The following NVL variants were observed in gnomAD, a reference collection of about 807,000 sequenced individuals.
NVL encodes nuclear VCP like.
NVL carries 84 observed loss-of-function variants against 110.2 expected under a neutral mutation model. That is an observed-to-expected ratio of 0.76 (90% CI 0.64 to 0.91). NVL has a LOEUF of 0.91. NVL is among the 40% of genes least tolerant of loss of function. The probability of loss-of-function intolerance (pLI) is 0.00; values close to 1 mark genes in which losing one functional copy is unlikely to be tolerated. For synonymous variants in NVL, 354 were observed against 361.1 expected (o/e 0.98, Z 0.22); for missense variants, 882 against 1,035.9 (o/e 0.85, Z 2.04).
At chr1:224,314,014 A>G (rs1167896781) in intron 4 of NVL, among the ~76,000 whole-genome samples, 1 of 152,202 alleles carries the variant, frequency 6.6e-6, no homozygotes, top group Non-Finnish European at 1.5e-5. Context: ...AAAAAAGAAA[A>G]AATATATATG....
At position 224,326,555 on chromosome 1, in the gene NVL, C is replaced by T. The variant is rs1671163424; in HGVS notation, c.58-91G>A. 6 of 761,238 alleles carry T rather than the reference C, an allele frequency of 7.9e-6. No individual in the cohort carries two copies. In the South Asian group the frequency reaches 8.9e-5, roughly 11 times the overall value. 47.2% of individuals were successfully genotyped at this position (761,238 alleles called of 1,614,324 possible). A position where few individuals can be genotyped will look rare whatever the true frequency, so the allele number is the denominator to read the frequency against. ...GATTGAGCTATCTGAACACATTATA[C>T]TTTAAGATAAACTCTTCGTTAATAA... On this transcript the variant is annotated intron_variant, in intron 1 of 22. Coordinates refer to ENST00000281701, the MANE Select transcript of NVL (RefSeq NM_002533.4).
intron 5 of NVL, among the ~76,000 whole-genome samples, chr1:224,308,552 G>A (rs942872325): frequency 9.2e-5 from 14 of 151,732 alleles, no homozygotes; most frequent in African/African-American, 3.1e-4. Context: ...TTAGCCGGGC[G>A]CAGTGGTAGG....
At chr1:224,326,569 C>T in intron 1 of NVL, 105 bp from the exon 2 acceptor site, 1 of 680,632 alleles carries the variant, frequency 1.5e-6, no homozygotes, top group Non-Finnish European at 2.5e-6. Context: ...AAGATAAACT[C>T]TTCGTTAATA....
At chr1:224,312,388 T>C (rs917185283) in intron 4 of NVL, among the ~76,000 whole-genome samples, 1 of 152,146 alleles carries the variant, frequency 6.6e-6, no homozygotes, top group African/African-American at 2.4e-5. Flanking sequence ...CAAATAAATT[T>C]CCTGTATCAA....
intron 19 of NVL, among the ~76,000 whole-genome samples, chr1:224,239,839 G>T (rs931339354): frequency 6.6e-6 from 1 of 152,106 alleles, no homozygotes; most frequent in African/African-American, 2.4e-5. Context: ...TATTGTGTTT[G>T]TGTCAGAAAT....
chr1:224,318,124 T>TA (rs369219602), intron 2 of NVL, among the ~76,000 whole-genome samples, 194 bp from the exon 3 acceptor site: 8 of 152,034 alleles, frequency 5.3e-5, no homozygotes, highest in Admixed American at 6.6e-5. Flanking sequence ...CCCCCTTTTT[T>TA]AAACTAACCT....
At chr1:224,238,529 T>C (rs1186199861) in intron 19 of NVL, among the ~76,000 whole-genome samples, 1 of 152,176 alleles carries the variant, frequency 6.6e-6, no homozygotes, top group Non-Finnish European at 1.5e-5. Flanking sequence ...ATCTGTTAGT[T>C]GCTATCACTA....
intron 12 of NVL, among the ~76,000 whole-genome samples, chr1:224,292,796 G>T (rs1463172968): frequency 1.3e-5 from 2 of 151,968 alleles, no homozygotes; most frequent in Non-Finnish European, 2.9e-5. Flanking sequence ...ACCCAGGCTG[G>T]ATGGAGTACA....
rs34586586 is a variant in NVL at position 224,240,061 on chromosome 1, ATTT to A, written c.2290-3482_2290-3480del. 1.1e-4 allele frequency among the ~76,000 whole-genome samples: 10 copies of A among 90,940 alleles called. 1 individual carries two copies. The highest frequency in any genetic ancestry group is 1.4e-4 in the Non-Finnish European group (7 of 50,382). The allele number at this position is 90,940 out of a possible 152,430, so 59.7% of individuals were successfully genotyped here. On this transcript the variant is annotated intron_variant, in intron 19 of 22. Coordinates refer to ENST00000281701, the MANE Select transcript of NVL (RefSeq NM_002533.4). The stretch of plus-strand genomic sequence containing the variant: ...CAGGCATGCGCTACCACGCTGGGTA[ATTT>A]TTTTTTTTTTTTTTTTTTTGAGACG...
At chr1:224,286,187 C>T in intron 14 of NVL, 57 bp from the exon 15 acceptor site, 1 of 1,042,742 alleles carries the variant, frequency 9.6e-7, no homozygotes, top group Non-Finnish European at 1.5e-6. Flanking sequence ...ACTGCAGGTT[C>T]AAATTATTTC....
At chr1:224,227,881 A>C in intron 22 of NVL, 1 of 312,468 alleles carries the variant, frequency 3.2e-6, no homozygotes, top group South Asian at 6.4e-5. Context: ...TTACAAAAAG[A>C]GGGGATTAGG....
intron 18 of NVL, among the ~76,000 whole-genome samples, chr1:224,266,235 C>G (rs901833316): frequency 4.6e-5 from 7 of 152,154 alleles, no homozygotes; most frequent in African/African-American, 1.7e-4. Flanking sequence ...CCAGGATCCC[C>G]CCTCTCTCTG....
chr1:224,314,171 G>C (rs1175940171), intron 4 of NVL, among the ~76,000 whole-genome samples: 2 of 152,112 alleles, frequency 1.3e-5, no homozygotes, highest in African/African-American at 4.8e-5. Flanking sequence ...AAATGCACTG[G>C]AAATCTCAAA....
intron 18 of NVL, among the ~76,000 whole-genome samples, chr1:224,260,273 C>T (rs2897054): frequency 0.14 from 21,750 of 152,094 alleles, 3,071 homozygotes; most frequent in African/African-American, 0.37. Flanking sequence ...CTGATAATTA[C>T]TATTATTTTT....
rs373871483 is a variant in NVL at position 224,281,282 on chromosome 1, TGC to T, written c.1900-99_1900-98del. 38 of 767,406 alleles carry T rather than the reference TGC, an allele frequency of 5.0e-5. No individual in the cohort carries two copies. In the Middle Eastern group the frequency reaches 8.5e-4, roughly 17 times the overall value. 47.5% of individuals were successfully genotyped at this position (767,406 alleles called of 1,614,324 possible). A position where few individuals can be genotyped will look rare whatever the true frequency, so the allele number is the denominator to read the frequency against. ...TGTGTGACAATGAAAGGACTCTGTG[TGC>T]GTGTGTGTGTGTGTGTGTGTGTGTG... On this transcript the variant is annotated intron_variant, in intron 15 of 22. Transcript: ENST00000281701.
intron 6 of NVL, 186 bp from the exon 7 acceptor site, chr1:224,305,352 T>G: frequency 1.7e-6 from 1 of 572,538 alleles, no homozygotes; most frequent in South Asian, 2.3e-5. Flanking sequence ...CTCATTCCCT[T>G]AAAGCTCAGT....
intron 22 of NVL, among the ~76,000 whole-genome samples, chr1:224,229,560 G>GAGTAGCTGGGACTACAGGTGCGC (rs927227385): frequency 5.3e-5 from 8 of 151,898 alleles, no homozygotes; most frequent in South Asian, 2.1e-4. Flanking sequence ...TCAGCCTCCT[G>GAGTAGCTGGGACTACAGGTGCGC]AGTAGCTGGG....
At chr1:224,295,623 G>A (rs1417899852) in intron 11 of NVL, among the ~76,000 whole-genome samples, 1 of 151,854 alleles carries the variant, frequency 6.6e-6, no homozygotes, top group Non-Finnish European at 1.5e-5. Context: ...GGAGGCTGAA[G>A]CAGAAAGACT....
intron 18 of NVL, among the ~76,000 whole-genome samples, chr1:224,255,912 TA>T (rs1325448448): frequency 1.3e-5 from 2 of 152,234 alleles, no homozygotes; most frequent in Non-Finnish European, 2.9e-5. Context: ...AGGTATGAAT[TA>T]AGGTTCAATT....
Sources: gnomAD v4.1 joint callset for allele counts (sites outside exome capture counted in the v4.1 genomes callset) on GRCh38, gnomAD v4.1.1 for gene constraint, MANE v1.5 for transcripts, NCBI Gene and HGNC (gene_info 2026-07-23, HGNC 2026-07-21) for gene names.